Variants in USO1 observed in about 807,000 individuals in gnomAD.
USO1 encodes the protein USO1 vesicle transport factor.
A neutral mutation model predicts 124.5 loss-of-function variants in USO1; 57 were observed. That is an observed-to-expected ratio of 0.46 (90% CI 0.37 to 0.57). The LOEUF (loss-of-function observed/expected upper bound fraction) is 0.57, where lower values mean the gene tolerates loss of function less well. Among genes scored for constraint, USO1 ranks in the 20% least tolerant of loss-of-function variants. USO1 has a pLI of 0.00. For synonymous variants in USO1, 369 were observed against 362.8 expected (o/e 1.02, Z -0.19); for missense variants, 900 against 1,040.6 (o/e 0.86, Z 1.86).
intron 10 of USO1, among the ~76,000 whole-genome samples, chr4:75,789,083 T>C (rs898264600): frequency 2.0e-5 from 3 of 152,080 alleles, no homozygotes; most frequent in African/African-American, 7.2e-5. Flanking sequence ...TTTTTCTCTC[T>C]AGAAACTTTT....
chr4:75,803,073 G>T (rs1470146481), intron 17 of USO1, among the ~76,000 whole-genome samples: 1 of 122,574 alleles, frequency 8.2e-6, no homozygotes, highest in Non-Finnish European at 1.7e-5. Context: ...GGCAACAAGA[G>T]CGAAACTCTG....
intron 1 of USO1, among the ~76,000 whole-genome samples, chr4:75,727,919 A>G (rs1417097811): frequency 1.3e-5 from 2 of 151,678 alleles, no homozygotes; most frequent in Non-Finnish European, 2.9e-5. Context: ...CATTTTAACT[A>G]CAGTGTGCAT....
At chr4:75,758,596 AT>A (rs1405076169) in intron 4 of USO1, among the ~76,000 whole-genome samples, 1 of 152,106 alleles carries the variant, frequency 6.6e-6, no homozygotes, top group Non-Finnish European at 1.5e-5. Context: ...AAAAACTTTT[AT>A]TTTGGCTGGG....
At position 75,812,197 on chromosome 4, in the gene USO1, T is replaced by A. The variant is rs773645023; in HGVS notation, c.2621T>A (p.Ile874Asn). Residue 874 changes from isoleucine (I) to asparagine (N), a missense_variant, in exon 23 of 24, where the codon ATT becomes AAT. By Grantham distance (149) the Ile-to-Asn change is moderately radical. Transcript: ENST00000514213. ...IKALSEERTAIKEQLDSSNST... is the reference protein window; with the variant it reads ...IKALSEERTANKEQLDSSNST... ...GCTCTGTCTGAGGAAAGAACTGCCATTAAAGAGCAGCTGGATTCATCTAAT... is the reference window on the plus strand; with the variant it reads ...GCTCTGTCTGAGGAAAGAACTGCCAATAAAGAGCAGCTGGATTCATCTAAT... 1.9e-6 allele frequency: 3 copies of A among 1,609,084 alleles called. No homozygotes were observed. Among genetic ancestry groups the A allele is most frequent in the South Asian group, 2.2e-5 (2 of 89,740 alleles).
intron 20 of USO1, among the ~76,000 whole-genome samples, chr4:75,808,469 C>G (rs1348624586): frequency 6.6e-6 from 1 of 151,898 alleles, no homozygotes; most frequent in African/African-American, 2.4e-5. Context: ...ATCTGTACTT[C>G]CAGTGGTATC....
At chr4:75,738,692 G>A (rs1267009319) in intron 1 of USO1, among the ~76,000 whole-genome samples, 1 of 151,998 alleles carries the variant, frequency 6.6e-6, no homozygotes, top group East Asian at 1.9e-4. Flanking sequence ...TGTTGCCCAG[G>A]CTGTTCTTGA....
At chr4:75,805,667 A>G (rs1722977565) in intron 19 of USO1, among the ~76,000 whole-genome samples, 1 of 150,418 alleles carries the variant, frequency 6.6e-6, no homozygotes, top group African/African-American at 2.4e-5. Context: ...AGATCACCCC[A>G]CTTCACCTCA....
At chr4:75,810,647 G>A (rs773123815) in intron 22 of USO1, 108 bp downstream of exon 22, 31 of 1,278,632 alleles carry the variant, frequency 2.4e-5, no homozygotes, top group Middle Eastern at 2.0e-4. Flanking sequence ...CTAATGATGT[G>A]TAATTTTATC....
At chr4:75,732,876 T>TAAGAAAA (rs1720674951) in intron 1 of USO1, among the ~76,000 whole-genome samples, 1 of 48,182 alleles carries the variant, frequency 2.1e-5, no homozygotes, top group Non-Finnish European at 3.3e-5. Flanking sequence ...AGATTCCATC[T>TAAGAAAA]AAAAAAAAAA....
rs796392511 is a variant in USO1 at position 75,781,768 on chromosome 4, A to C, written c.677-912A>C. Among the ~76,000 whole-genome samples, 17 of 152,306 alleles carry C rather than the reference A, an allele frequency of 1.1e-4. 1 individual carries two copies. The highest frequency in any genetic ancestry group is 3.8e-4 in the African/African-American group (16 of 41,574). ...AAAAAATGATGTCTTTTTAAAAAAA[A>C]AATAATTTATTTTTGTCAACATACA... is the stretch of plus-strand genomic sequence containing the variant. On this transcript the variant is annotated intron_variant, in intron 8 of 23. Transcript: ENST00000514213.
intron 3 of USO1, among the ~76,000 whole-genome samples, chr4:75,755,241 A>G (rs1721406173): frequency 6.6e-6 from 1 of 152,242 alleles, no homozygotes; most frequent in Admixed American, 6.5e-5. Context: ...AGTACAGCCT[A>G]TACTTAAGGA....
intron 13 of USO1, among the ~76,000 whole-genome samples, chr4:75,796,959 T>C (rs1288524331): frequency 6.6e-6 from 1 of 151,954 alleles, no homozygotes; most frequent in Non-Finnish European, 1.5e-5. Flanking sequence ...GACTTATCTT[T>C]TATGGCTTCT....
chr4:75,812,444 A>G, intron 23 of USO1, 69 bp downstream of exon 23: 1 of 1,505,222 alleles, frequency 6.6e-7, no homozygotes, highest in Non-Finnish European at 8.8e-7. Context: ...AAGATTTTTA[A>G]TGTAACATGG....
chr4:75,748,815 A>T (rs1721210002), intron 1 of USO1, among the ~76,000 whole-genome samples: 1 of 152,160 alleles, frequency 6.6e-6, no homozygotes, highest in Non-Finnish European at 1.5e-5. Flanking sequence ...TGAGCAAAAG[A>T]TGTACAAGTC....
At chr4:75,758,292 C>G (rs1721500404) in intron 4 of USO1, among the ~76,000 whole-genome samples, 1 of 152,086 alleles carries the variant, frequency 6.6e-6, no homozygotes, top group Non-Finnish European at 1.5e-5. Context: ...ATCAAATTGG[C>G]TGTTACAGTA....
At chr4:75,739,562 A>G (rs1208057190) in intron 1 of USO1, among the ~76,000 whole-genome samples, 5 of 103,164 alleles carry the variant, frequency 4.8e-5, no homozygotes, top group Non-Finnish European at 7.4e-5. Context: ...TTTTTTTGAG[A>G]CAGAGTCTGA....
chr4:75,758,001 A>G (rs1721494658), intron 4 of USO1, among the ~76,000 whole-genome samples: 1 of 152,260 alleles, frequency 6.6e-6, no homozygotes, highest in Admixed American at 6.5e-5. Context: ...ATAAAGTGCA[A>G]CAATTTTTTA....
chr4:75,787,310 G>T, intron 10 of USO1, 108 bp downstream of exon 10: 2 of 1,315,976 alleles, frequency 1.5e-6, no homozygotes, highest in Non-Finnish European at 2.0e-6. Flanking sequence ...CCATTTTTTA[G>T]GTTAAAATTT....
intron 1 of USO1, among the ~76,000 whole-genome samples, chr4:75,725,284 G>A (rs1340150051): frequency 6.6e-6 from 1 of 152,222 alleles, no homozygotes. Context: ...AGAGGAGCCT[G>A]AAGTCCTGCT....
Sources: gnomAD v4.1 joint callset for allele counts (sites outside exome capture counted in the v4.1 genomes callset) on GRCh38, gnomAD v4.1.1 for gene constraint, MANE v1.5 for transcripts, NCBI Gene and HGNC (gene_info 2026-07-23, HGNC 2026-07-21) for gene names.